Variants in NFE2L2 observed in about 807,000 individuals in gnomAD.
NFE2L2 encodes the protein nuclear factor erythroid 2-related factor 2.
In NFE2L2, 20 loss-of-function variants were observed where a neutral mutation model predicts 49.6. That is an observed-to-expected ratio of 0.40 (90% confidence interval 0.28 to 0.59). The LOEUF is 0.59. NFE2L2 is among the 20% of genes least tolerant of loss of function. NFE2L2 has a pLI of 0.40. For missense variants in NFE2L2, 578 were observed against 714.2 expected (o/e 0.81, Z 2.17); for synonymous variants, 244 against 256.5 (o/e 0.95, Z 0.47).
At chr2:177,247,146 C>T (rs1037703552) in intron 1 of NFE2L2, among the ~76,000 whole-genome samples, 1 of 152,104 alleles carries the variant, frequency 6.6e-6, no homozygotes, top group African/African-American at 2.4e-5. Flanking sequence ...AATAGCCCTA[C>T]ATAGAGACTG....
chr2:177,241,241 T>TA (rs996761267), intron 1 of NFE2L2, among the ~76,000 whole-genome samples: 25 of 152,258 alleles, frequency 1.6e-4, no homozygotes, highest in African/African-American at 3.4e-4. Flanking sequence ...TATTTCCATT[T>TA]AAAAAAAATC....
chr2:177,250,582 T>C (rs1156622058), intron 1 of NFE2L2, among the ~76,000 whole-genome samples: 1 of 152,250 alleles, frequency 6.6e-6, no homozygotes, highest in Non-Finnish European at 1.5e-5. Context: ...AGGTGGGTAG[T>C]AGTATGATCA....
chr2:177,239,613 G>A (rs539557448), intron 1 of NFE2L2, among the ~76,000 whole-genome samples: 2 of 152,246 alleles, frequency 1.3e-5, no homozygotes, highest in Non-Finnish European at 2.9e-5. Flanking sequence ...GGAGGTCGAG[G>A]CTGCAGTGAG....
intron 1 of NFE2L2, among the ~76,000 whole-genome samples, chr2:177,264,184 A>C (rs1440701115): frequency 6.6e-6 from 1 of 151,508 alleles, no homozygotes; most frequent in Non-Finnish European, 1.5e-5. Context: ...CCCGCCGCCC[A>C]CCGGGCCGCT....
At chr2:177,263,689 G>T (rs1434031155) in intron 1 of NFE2L2, 25 of 985,506 alleles carry the variant, frequency 2.5e-5, no homozygotes, top group Non-Finnish European at 3.0e-5. Flanking sequence ...GAAGCCCCGG[G>T]TGCCGCCGAC....
intron 1 of NFE2L2, among the ~76,000 whole-genome samples, chr2:177,243,336 C>A (rs1690005550): frequency 6.6e-6 from 1 of 152,164 alleles, no homozygotes; most frequent in Admixed American, 6.5e-5. Flanking sequence ...GCTGGTGTAC[C>A]CTCATCCTCC....
At chr2:177,248,698 C>T (rs1043841957) in intron 1 of NFE2L2, among the ~76,000 whole-genome samples, 1 of 152,294 alleles carries the variant, frequency 6.6e-6, no homozygotes, top group East Asian at 1.9e-4. Flanking sequence ...CATGAGCCAC[C>T]GCCTCTGGCC....
chr2:177,232,633 A>G, intron 3 of NFE2L2, 50 bp from the exon 4 acceptor site: 2 of 1,580,268 alleles, frequency 1.3e-6, no homozygotes, highest in South Asian at 1.1e-5. Context: ...ACAGGGGATG[A>G]GTAAGCTCTA....
At chr2:177,260,414 A>G (rs34468415) in intron 1 of NFE2L2, among the ~76,000 whole-genome samples, 42,027 of 152,142 alleles carry the variant, frequency 0.28, 6,543 homozygotes, top group Non-Finnish European at 0.37. Flanking sequence ...AAATAAGACA[A>G]TAATTCCAAA....
At chr2:177,258,926 G>T (rs1228885092) in intron 1 of NFE2L2, among the ~76,000 whole-genome samples, 3 of 152,198 alleles carry the variant, frequency 2.0e-5, no homozygotes, top group African/African-American at 7.2e-5. Context: ...ATTTAGCATT[G>T]TCTTAGAATT....
Position 177,230,616 on chromosome 2 carries a change from A to G in NFE2L2, c.*169T>C. ...GTTAAAGTGAAACTACTGATTCAACATACTGACACTCCAATGCTTTTTAAA... is the reference window on the plus strand; with the variant it reads ...GTTAAAGTGAAACTACTGATTCAACGTACTGACACTCCAATGCTTTTTAAA... On this transcript the variant is annotated 3_prime_UTR_variant, in exon 5 of 5. Coordinates refer to ENST00000397062, the MANE Select transcript of NFE2L2 (RefSeq NM_006164.5). The G allele has an allele frequency of 1.4e-6, 1 of 691,848 alleles. No homozygotes were observed. The highest frequency in any genetic ancestry group is 3.1e-5 in the East Asian group (1 of 32,456). The allele number at this position is 691,848 out of a possible 1,614,324, so 42.9% of individuals were successfully genotyped here. A position where few individuals can be genotyped will look rare whatever the true frequency, so the allele number is the denominator to read the frequency against.
At chr2:177,263,855 TTA>T (rs1690837413) in intron 1 of NFE2L2, 3 of 985,374 alleles carry the variant, frequency 3.0e-6, no homozygotes, top group Admixed American at 6.1e-5. Context: ...CGCTGGGCAC[TTA>T]AGGCGCTCCT....
chr2:177,253,310 T>C (rs1361888179), intron 1 of NFE2L2, among the ~76,000 whole-genome samples: 3 of 152,214 alleles, frequency 2.0e-5, no homozygotes, highest in African/African-American at 4.8e-5. Context: ...GGGCAGTTAA[T>C]GGACTCACCC....
At chr2:177,264,126 A>G (rs1558995208) in intron 1 of NFE2L2, among the ~76,000 whole-genome samples, 1 of 152,014 alleles carries the variant, frequency 6.6e-6, no homozygotes, top group Non-Finnish European at 1.5e-5. Context: ...CAGCCCCGGA[A>G]GGGCCGGGCC....
chr2:177,235,134 A>C (rs1689700328), intron 1 of NFE2L2, among the ~76,000 whole-genome samples: 1 of 149,838 alleles, frequency 6.7e-6, no homozygotes, highest in Non-Finnish European at 1.5e-5. Flanking sequence ...AATAAAATAA[A>C]AGCAGACAGG....
At position 177,233,702 on chromosome 2, in the gene NFE2L2, G is replaced by T. The variant is rs190854564; in HGVS notation, c.312+303C>A. On this transcript the variant is annotated intron_variant, in intron 2 of 4. Transcript: ENST00000397062. ...TAACGCCAGTAATCCCTGCTACTTG[G>T]TTCTCCTGCTACTACTTCTGTTGCT... 1,037 of 521,330 alleles carry T rather than the reference G, an allele frequency of 2.0e-3. 4 individuals are homozygous for T. Among genetic ancestry groups the T allele is most frequent in the Middle Eastern group, 3.6e-3 (7 of 1,970 alleles). The allele number at this position is 521,330 out of a possible 1,614,324, so 32.3% of individuals were successfully genotyped here. A position where few individuals can be genotyped will look rare whatever the true frequency, so the allele number is the denominator to read the frequency against.
At position 177,231,824 on chromosome 2, in the gene NFE2L2, G is replaced by A. The variant is rs776472261; in HGVS notation, c.779C>T (p.Thr260Ile). ...CACTGTCAACTGGTTGGGGTCTTCTGTGGAGAGGATGCTGCTGAAGGAATC... is the reference window on the plus strand; with the variant it reads ...CACTGTCAACTGGTTGGGGTCTTCTATGGAGAGGATGCTGCTGAAGGAATC... ...FEDSFSSILS[T>I]EDPNQLTVNS... Residue 260 changes from threonine (T) to isoleucine (I), a missense_variant, in exon 5 of 5, where the codon ACA (threonine) becomes ATA (isoleucine). This residue lies in a region of NFE2L2 where 368 missense variants were observed against 384.6 expected (regional missense o/e 0.96). Transcript: ENST00000397062. 3 of 1,614,198 alleles carry A rather than the reference G, an allele frequency of 1.9e-6. No individual in the cohort carries two copies. Among genetic ancestry groups the A allele is most frequent in the Non-Finnish European group, 2.5e-6 (3 of 1,180,018 alleles).
intron 1 of NFE2L2, among the ~76,000 whole-genome samples, chr2:177,246,083 G>A (rs892930555): frequency 1.3e-5 from 2 of 152,172 alleles, no homozygotes; most frequent in Admixed American, 6.5e-5. Context: ...ACACGTTCTG[G>A]AAACCACTTT....
At chr2:177,233,616 T>C (rs1357719776) in intron 2 of NFE2L2, 1 of 510,666 alleles carries the variant, frequency 2.0e-6, no homozygotes, top group African/African-American at 2.0e-5. Flanking sequence ...AACTAATTAA[T>C]ATAGTTGTGT....
Sources: gnomAD v4.1 joint callset for allele counts (sites outside exome capture counted in the v4.1 genomes callset) on GRCh38, gnomAD v4.1.1 for gene constraint, gnomAD v4.1.1 regional missense constraint, MANE v1.5 for transcripts, NCBI Gene and HGNC (gene_info 2026-07-23, HGNC 2026-07-21) for gene names.